Variants in KLHL32 observed in about 807,000 individuals in gnomAD.
KLHL32 encodes kelch like family member 32.
In KLHL32, 35 loss-of-function variants were observed where a neutral mutation model predicts 64.8. The ratio of observed to expected loss-of-function variants is 0.54; its 90% CI spans 0.41 to 0.72. The LOEUF (loss-of-function observed/expected upper bound fraction) is 0.72. KLHL32 is among the 30% of genes least tolerant of loss of function. The pLI is 0.00. For synonymous variants in KLHL32, 259 were observed against 281.0 expected, an observed-to-expected ratio of 0.92 and a Z score of 0.78; for missense variants, 589 against 768.5, an observed-to-expected ratio of 0.77 and a Z score of 2.76.
chr6:97,099,021 A>T (rs1054046865), intron 6 of KLHL32, among the ~76,000 whole-genome samples: 1 of 152,232 alleles, frequency 6.6e-6, no homozygotes, highest in Non-Finnish European at 1.5e-5. Context: ...TTTTAAAGTA[A>T]TGGGACTCAA....
At chr6:96,953,456 C>T (rs555639244) in intron 1 of KLHL32, among the ~76,000 whole-genome samples, 7 of 152,142 alleles carry the variant, frequency 4.6e-5, no homozygotes, top group African/African-American at 1.7e-4. Flanking sequence ...ATGGCGAAAC[C>T]CTGTTTGTAC....
At chr6:97,112,468 A>G (rs1797269566) in intron 6 of KLHL32, among the ~76,000 whole-genome samples, 1 of 151,174 alleles carries the variant, frequency 6.6e-6, no homozygotes, top group South Asian at 2.1e-4. Flanking sequence ...TTTTCCTGAG[A>G]TGGAGTCTTG....
chr6:97,117,293 T>C (rs1398024399), intron 7 of KLHL32, among the ~76,000 whole-genome samples: 2 of 152,214 alleles, frequency 1.3e-5, no homozygotes. Context: ...ATTTAATTGA[T>C]GGGAATTGAA....
intron 6 of KLHL32, among the ~76,000 whole-genome samples, chr6:97,090,292 A>G (rs1196114070): frequency 6.6e-6 from 1 of 152,160 alleles, no homozygotes; most frequent in Non-Finnish European, 1.5e-5. Flanking sequence ...TAAAGACTGC[A>G]TTTTTCCTTA....
intron 5 of KLHL32, among the ~76,000 whole-genome samples, chr6:97,067,448 G>C (rs1057218229): frequency 6.6e-5 from 10 of 152,066 alleles, no homozygotes; most frequent in Admixed American, 1.3e-4. Context: ...TTGATGGGGG[G>C]GTGCCTTTCT....
chr6:96,930,281 TA>T (rs1300335400), intron 1 of KLHL32, among the ~76,000 whole-genome samples: 1 of 152,198 alleles, frequency 6.6e-6, no homozygotes, highest in East Asian at 1.9e-4. Flanking sequence ...TTATGATTTT[TA>T]GTTCTACAAT....
chr6:97,083,480 G>C (rs899783646), intron 5 of KLHL32, among the ~76,000 whole-genome samples: 1 of 152,114 alleles, frequency 6.6e-6, no homozygotes, highest in African/African-American at 2.4e-5. Context: ...CTGGATTTGA[G>C]CCGAGTCTGC....
At chr6:96,961,321 C>T (rs918059362) in intron 1 of KLHL32, among the ~76,000 whole-genome samples, 1 of 152,114 alleles carries the variant, frequency 6.6e-6, no homozygotes, top group Non-Finnish European at 1.5e-5. Context: ...TTGAGTTCTT[C>T]ACCAGTCTCT....
At chr6:97,134,127 C>T (rs1799735893) in intron 10 of KLHL32, among the ~76,000 whole-genome samples, 2 of 151,916 alleles carry the variant, frequency 1.3e-5, no homozygotes, top group South Asian at 2.1e-4. Context: ...AAACAATATA[C>T]AGCAAAGCTT....
chr6:96,994,668 G>A (rs1391298225), intron 3 of KLHL32: 1 of 968,256 alleles, frequency 1.0e-6, no homozygotes, highest in African/African-American at 1.8e-5. Flanking sequence ...TTAGTTGCGT[G>A]CAAAGTACTA....
At chr6:97,049,974 C>T (rs1786600617) in intron 4 of KLHL32, among the ~76,000 whole-genome samples, 1 of 152,134 alleles carries the variant, frequency 6.6e-6, no homozygotes, top group African/African-American at 2.4e-5. Flanking sequence ...AGGGCCAATT[C>T]TAAGTGACAG....
chr6:97,030,307 C>A (rs1309719502), intron 3 of KLHL32, among the ~76,000 whole-genome samples: 2 of 152,202 alleles, frequency 1.3e-5, no homozygotes, highest in Non-Finnish European at 2.9e-5. Context: ...TGTAACTAAT[C>A]TTGTGTCTGC....
At chr6:96,977,331 G>A (rs760196622) in intron 3 of KLHL32, among the ~76,000 whole-genome samples, 2 of 152,164 alleles carry the variant, frequency 1.3e-5, no homozygotes, top group East Asian at 1.9e-4. Context: ...ATCTGGAATC[G>A]AAATCTATGT....
At chr6:97,096,682 C>T (rs552616736) in intron 6 of KLHL32, among the ~76,000 whole-genome samples, 1 of 152,322 alleles carries the variant, frequency 6.6e-6, no homozygotes, top group African/African-American at 2.4e-5. Flanking sequence ...ATTGTGGTTC[C>T]CACCATAGCA....
chr6:97,114,878 A>G (rs1460823616), intron 7 of KLHL32, among the ~76,000 whole-genome samples: 2 of 152,200 alleles, frequency 1.3e-5, no homozygotes, highest in Non-Finnish European at 2.9e-5. Context: ...CTACCTGACT[A>G]GAGCCATTTC....
the KLHL32 span, among the ~76,000 whole-genome samples, chr6:96,912,567 T>C: frequency 6.6e-6 from 1 of 152,162 alleles, no homozygotes; most frequent in Non-Finnish European, 1.5e-5. Flanking sequence ...TAAGTTAACT[T>C]AGCTATGCTT....
At chr6:96,977,267 G>C (rs559983352) in intron 3 of KLHL32, among the ~76,000 whole-genome samples, 1 of 152,068 alleles carries the variant, frequency 6.6e-6, no homozygotes, top group Non-Finnish European at 1.5e-5. Flanking sequence ...CAAAGACTAA[G>C]TAATTTGCAC....
intron 3 of KLHL32, among the ~76,000 whole-genome samples, chr6:97,031,767 A>G (rs1359658252): frequency 6.6e-6 from 1 of 152,188 alleles, no homozygotes; most frequent in African/African-American, 2.4e-5. Context: ...TGCAAAAGTA[A>G]AGTCCTGAAG....
chr6:97,055,387 C>G (rs1450330256), intron 4 of KLHL32, among the ~76,000 whole-genome samples: 1 of 152,150 alleles, frequency 6.6e-6, no homozygotes, highest in Non-Finnish European at 1.5e-5. Flanking sequence ...ACTAATCTCC[C>G]CCACGTAGGG....
Sources: gnomAD v4.1 joint callset for allele counts (sites outside exome capture counted in the v4.1 genomes callset) on GRCh38, gnomAD v4.1.1 for gene constraint, MANE v1.5 for transcripts, NCBI Gene and HGNC (gene_info 2026-07-23, HGNC 2026-07-21) for gene names.